CDH12: variants seen among roughly 807,000 people sequenced by gnomAD.
CDH12 encodes the protein cadherin 12.
CDH12 carries 41 observed loss-of-function variants against 74.1 expected under a neutral mutation model. That is an observed-to-expected ratio of 0.55 (90% CI 0.43 to 0.72). The LOEUF is 0.72. Among genes scored for constraint, CDH12 ranks in the 30% least tolerant of loss-of-function variants. CDH12 has a pLI of 0.00. For missense variants in CDH12, 945 were observed against 977.2 expected (o/e 0.97, Z 0.44); for synonymous variants, 399 against 355.0 (o/e 1.12, Z -1.39).
intron 4 of CDH12, among the ~76,000 whole-genome samples, chr5:22,124,852 C>T (rs1016379393): frequency 6.6e-6 from 1 of 152,146 alleles, no homozygotes; most frequent in African/African-American, 2.4e-5. Context: ...TTATACAGCT[C>T]TTCAGCTAAG....
intron 1 of CDH12, among the ~76,000 whole-genome samples, chr5:22,822,370 A>G (rs1749749683): frequency 6.6e-6 from 1 of 152,116 alleles, no homozygotes; most frequent in South Asian, 2.1e-4. Flanking sequence ...ACAAAAGCCA[A>G]AATTGACAAA....
At chr5:22,730,493 A>C (rs548039598) in intron 1 of CDH12, among the ~76,000 whole-genome samples, 21 of 152,022 alleles carry the variant, frequency 1.4e-4, no homozygotes, top group African/African-American at 5.1e-4. Flanking sequence ...ATATCATTGC[A>C]GCTTTTACCT....
chr5:22,070,757 A>G (rs941479734), intron 5 of CDH12, among the ~76,000 whole-genome samples: 5 of 152,180 alleles, frequency 3.3e-5, no homozygotes, highest in Non-Finnish European at 7.4e-5. Context: ...TGGTAGTTTG[A>G]TGAGAATAGA....
At position 22,529,539 on chromosome 5, in the gene CDH12, G is replaced by A. The variant is rs1264045962; in HGVS notation, c.-522-24175C>T. On this transcript the variant is annotated intron_variant, in intron 1 of 14. Coordinates refer to ENST00000382254, the MANE Select transcript of CDH12 (RefSeq NM_004061.5). ...GAGTCAGCCTTTTGGTTCCATCTAG[G>A]CCATCAGCTGATTGGATGAGGCCCA... 3.3e-5 allele frequency among the ~76,000 whole-genome samples: 5 copies of A among 152,066 alleles called. No homozygotes were observed. The East Asian group carries it at 7.7e-4, about 23-fold the overall frequency.
chr5:22,132,937 T>A (rs1395856780), intron 4 of CDH12, among the ~76,000 whole-genome samples: 1 of 152,090 alleles, frequency 6.6e-6, no homozygotes, highest in Admixed American at 6.6e-5. Context: ...TCAAACATGT[T>A]TTGTTTTCGA....
intron 1 of CDH12, among the ~76,000 whole-genome samples, chr5:22,578,535 C>G (rs562536921): frequency 2.0e-5 from 3 of 152,114 alleles, no homozygotes; most frequent in Non-Finnish European, 4.4e-5. Context: ...TAAATATGCC[C>G]AAAGGCTCAG....
chr5:21,785,689 A>G (rs1198251968), intron 10 of CDH12, among the ~76,000 whole-genome samples: 3 of 152,196 alleles, frequency 2.0e-5, no homozygotes, highest in Non-Finnish European at 4.4e-5. Flanking sequence ...GAAGGTGGAG[A>G]GAAGTAAGGA....
intron 3 of CDH12, among the ~76,000 whole-genome samples, chr5:22,379,914 C>T (rs775782884): frequency 6.6e-6 from 1 of 152,054 alleles, no homozygotes; most frequent in South Asian, 2.1e-4. Flanking sequence ...CCATCATGCC[C>T]AGCCAATTTT....
intron 2 of CDH12, among the ~76,000 whole-genome samples, chr5:22,429,304 T>A (rs982668567): frequency 6.6e-6 from 1 of 151,622 alleles, no homozygotes; most frequent in African/African-American, 2.4e-5. Context: ...GCTACTTTTG[T>A]TTTTTTGCAT....
At chr5:21,895,288 A>AAC (rs1753072393) in intron 6 of CDH12, among the ~76,000 whole-genome samples, 1 of 152,224 alleles carries the variant, frequency 6.6e-6, no homozygotes, top group South Asian at 2.1e-4. Context: ...TTTGTGGGTT[A>AAC]ACATATGTGG....
intron 1 of CDH12, among the ~76,000 whole-genome samples, chr5:22,836,852 C>T (rs1202415543): frequency 4.6e-5 from 7 of 152,298 alleles, no homozygotes; most frequent in African/African-American, 1.7e-4. Flanking sequence ...TGTGACCAAT[C>T]CAGAACTCCT....
chr5:22,402,513 C>T (rs1742769882), intron 3 of CDH12, among the ~76,000 whole-genome samples: 1 of 152,274 alleles, frequency 6.6e-6, no homozygotes, highest in South Asian at 2.1e-4. Context: ...GAATATATAA[C>T]TGAGAAAGTT....
intron 6 of CDH12, among the ~76,000 whole-genome samples, chr5:21,963,886 T>G (rs1756468131): frequency 6.6e-6 from 1 of 152,132 alleles, no homozygotes; most frequent in Admixed American, 6.6e-5. Flanking sequence ...ATTCCTTGTT[T>G]ACACCTATAA....
At chr5:22,737,050 G>A (rs1039813331) in intron 1 of CDH12, among the ~76,000 whole-genome samples, 3 of 151,920 alleles carry the variant, frequency 2.0e-5, no homozygotes, top group Non-Finnish European at 4.4e-5. Flanking sequence ...GATATAGAGA[G>A]AAAGCATCCC....
At chr5:21,829,279 TGA>T (rs142597192) in intron 8 of CDH12, among the ~76,000 whole-genome samples, 31 of 152,096 alleles carry the variant, frequency 2.0e-4, no homozygotes, top group Middle Eastern at 3.4e-3. Context: ...CTAGCCTGGG[TGA>T]GAGAGAGAGA....
intron 1 of CDH12, among the ~76,000 whole-genome samples, chr5:22,632,088 G>C (rs569918259): frequency 6.6e-6 from 1 of 152,186 alleles, no homozygotes; most frequent in South Asian, 2.1e-4. Flanking sequence ...GGAGGGTGAG[G>C]ATCTTAAAAC....
At chr5:22,194,272 T>A (rs184679728) in intron 4 of CDH12, among the ~76,000 whole-genome samples, 1 of 151,454 alleles carries the variant, frequency 6.6e-6, no homozygotes, top group East Asian at 1.9e-4. Context: ...GTAACCTACC[T>A]CCCCCACTAT....
intron 3 of CDH12, among the ~76,000 whole-genome samples, chr5:22,283,536 C>T (rs1737010146): frequency 6.6e-6 from 1 of 151,700 alleles, no homozygotes; most frequent in South Asian, 2.1e-4. Flanking sequence ...TACTGATTTT[C>T]ACTTATATGT....
chr5:22,596,774 C>T (rs1736625981), intron 1 of CDH12, among the ~76,000 whole-genome samples: 1 of 152,178 alleles, frequency 6.6e-6, no homozygotes, highest in Non-Finnish European at 1.5e-5. Flanking sequence ...TCTTACCAGT[C>T]ATCTATCACG....
Sources: allele counts gnomAD v4.1 joint callset (sites outside exome capture counted in the v4.1 genomes callset), GRCh38; gene constraint gnomAD v4.1.1; transcripts MANE v1.5; gene names NCBI Gene and HGNC (gene_info 2026-07-23, HGNC 2026-07-21).